Variants in DOCK1 observed in about 807,000 individuals in gnomAD.
DOCK1 encodes dedicator of cytokinesis protein 1.
A neutral mutation model predicts 262.7 loss-of-function variants in DOCK1; 138 were observed. The ratio of observed to expected loss-of-function variants is 0.53; its 90% CI spans 0.46 to 0.61. The LOEUF is 0.61. Among genes scored for constraint, DOCK1 ranks in the 20% least tolerant of loss-of-function variants. The probability of loss-of-function intolerance (pLI) is 0.00; values close to 1 mark genes in which losing one functional copy is unlikely to be tolerated. For missense variants in DOCK1, 1,908 were observed against 2,370.7 expected (o/e 0.80, Z 4.05); for synonymous variants, 866 against 867.4 (o/e 1.00, Z 0.03).
At chr10:127,414,034 C>T (rs1281808920) in intron 43 of DOCK1, among the ~76,000 whole-genome samples, 3 of 152,152 alleles carry the variant, frequency 2.0e-5, no homozygotes, top group African/African-American at 7.2e-5. Flanking sequence ...GCCTCAGCCT[C>T]CTGAGTAGCT....
At chr10:127,261,302 T>C (rs111174124) in intron 29 of DOCK1, among the ~76,000 whole-genome samples, 4 of 111,628 alleles carry the variant, frequency 3.6e-5, no homozygotes, top group South Asian at 3.0e-4. Context: ...TGTGGGTGTG[T>C]GTGTGTGTGC....
intron 27 of DOCK1, among the ~76,000 whole-genome samples, chr10:127,208,782 T>C (rs987353448): frequency 6.6e-6 from 1 of 152,226 alleles, no homozygotes; most frequent in Non-Finnish European, 1.5e-5. Flanking sequence ...TGTTAGATGA[T>C]ATCTAACGTT....
At chr10:127,374,566 G>A (rs1056933920) in intron 35 of DOCK1, among the ~76,000 whole-genome samples, 1 of 152,166 alleles carries the variant, frequency 6.6e-6, no homozygotes, top group East Asian at 1.9e-4. Context: ...CTGAATGGTG[G>A]CCTCAAAGGT....
chr10:126,933,647 G>C (rs2034345871), intron 1 of DOCK1, among the ~76,000 whole-genome samples: 1 of 152,114 alleles, frequency 6.6e-6, no homozygotes, highest in Admixed American at 6.5e-5. Flanking sequence ...GGACATACAT[G>C]CAGGGCAAAC....
At chr10:126,925,839 T>G (rs1467821624) in intron 1 of DOCK1, among the ~76,000 whole-genome samples, 1 of 151,460 alleles carries the variant, frequency 6.6e-6, no homozygotes, top group Non-Finnish European at 1.5e-5. Flanking sequence ...CAGGATGGGC[T>G]TATGTCACAG....
At chr10:127,044,864 C>T (rs927016459) in intron 21 of DOCK1, among the ~76,000 whole-genome samples, 5 of 152,052 alleles carry the variant, frequency 3.3e-5, no homozygotes, top group Non-Finnish European at 7.4e-5. Flanking sequence ...ACAAAAAGTA[C>T]CATTTTTTCT....
intron 27 of DOCK1, among the ~76,000 whole-genome samples, chr10:127,229,591 C>T (rs531379324): frequency 4.6e-5 from 7 of 152,138 alleles, no homozygotes; most frequent in Non-Finnish European, 1.0e-4. Flanking sequence ...CTGAACAGTA[C>T]TCCACTGTGT....
At chr10:127,128,300 T>G (rs2050094052) in intron 27 of DOCK1, among the ~76,000 whole-genome samples, 1 of 151,880 alleles carries the variant, frequency 6.6e-6, no homozygotes, top group Admixed American at 6.5e-5. Flanking sequence ...TAAGTCTGTT[T>G]CCTTCAGCAA....
chr10:127,300,385 T>C (rs1429724302), intron 29 of DOCK1, among the ~76,000 whole-genome samples: 2 of 151,844 alleles, frequency 1.3e-5, no homozygotes, highest in Non-Finnish European at 2.9e-5. Flanking sequence ...ACCAAGAGAC[T>C]GGGCTTAGAC....
At chr10:127,080,208 T>A (rs962857740) in intron 23 of DOCK1, among the ~76,000 whole-genome samples, 1 of 149,156 alleles carries the variant, frequency 6.7e-6, no homozygotes, top group African/African-American at 2.5e-5. Flanking sequence ...CCTTCTTAAC[T>A]CTCATTTCCA....
intron 13 of DOCK1, among the ~76,000 whole-genome samples, chr10:127,019,591 T>C (rs140981311): frequency 1.6e-4 from 25 of 151,916 alleles, no homozygotes; most frequent in African/African-American, 5.8e-4. Context: ...GACAAAAAAA[T>C]AAAAAAACTA....
intron 30 of DOCK1, among the ~76,000 whole-genome samples, chr10:127,342,597 C>G (rs1379741559): frequency 6.6e-6 from 1 of 152,168 alleles, no homozygotes; most frequent in Non-Finnish European, 1.5e-5. Context: ...CCTACAAATG[C>G]TCTTAAATTT....
At chr10:126,917,358 C>G (rs914410146) in intron 1 of DOCK1, among the ~76,000 whole-genome samples, 2 of 152,196 alleles carry the variant, frequency 1.3e-5, no homozygotes, top group African/African-American at 4.8e-5. Flanking sequence ...ACAGCTCAAC[C>G]AACATATTCA....
chr10:127,196,915 A>G (rs914390892), intron 27 of DOCK1, among the ~76,000 whole-genome samples: 3 of 151,910 alleles, frequency 2.0e-5, no homozygotes, highest in Non-Finnish European at 4.4e-5. Context: ...GTGTTCTCTC[A>G]GGGATGGGGG....
intron 29 of DOCK1, among the ~76,000 whole-genome samples, chr10:127,327,847 C>T (rs2062809851): frequency 6.6e-6 from 1 of 152,012 alleles, no homozygotes; most frequent in African/African-American, 2.4e-5. Context: ...GGTTGCACAG[C>T]CTATAAGTGA....
chr10:126,965,309 G>A (rs1490680190), intron 1 of DOCK1, among the ~76,000 whole-genome samples: 4 of 152,200 alleles, frequency 2.6e-5, no homozygotes, highest in Non-Finnish European at 4.4e-5. Flanking sequence ...GCAGAGGAGC[G>A]TGTGGCAGGC....
intron 3 of DOCK1, 129 bp downstream of exon 3, chr10:126,978,117 A>G (rs540282614): frequency 1.5e-5 from 13 of 865,644 alleles, no homozygotes; most frequent in East Asian, 2.5e-5. Context: ...AAAAAAATAT[A>G]TGGGTAGGAA....
chr10:127,376,887 A>G (rs769705187), intron 35 of DOCK1, among the ~76,000 whole-genome samples: 11 of 152,210 alleles, frequency 7.2e-5, no homozygotes, highest in Non-Finnish European at 1.6e-4. Context: ...ACCTGAATCT[A>G]GGGTCAGGAA....
intron 32 of DOCK1, among the ~76,000 whole-genome samples, chr10:127,360,314 T>A (rs1442123144): frequency 6.6e-6 from 1 of 152,062 alleles, no homozygotes; most frequent in Non-Finnish European, 1.5e-5. Context: ...CCACAGGATA[T>A]GGGGTCCCCG....
Sources: allele counts gnomAD v4.1 joint callset (sites outside exome capture counted in the v4.1 genomes callset), GRCh38; gene constraint gnomAD v4.1.1; transcripts MANE v1.5; gene names NCBI Gene and HGNC (gene_info 2026-07-23, HGNC 2026-07-21).